The following PCDHGB2 variants were observed in gnomAD, a reference collection of about 807,000 sequenced individuals.
PCDHGB2 encodes protocadherin gamma subfamily B, 2, also known as protocadherin gamma-B2.
A neutral mutation model predicts 59.3 loss-of-function variants in PCDHGB2; 55 were observed. The observed-to-expected ratio is 0.93, with a 90% CI of 0.75 to 1.16. The LOEUF (loss-of-function observed/expected upper bound fraction) is 1.16, where lower values mean the gene tolerates loss of function less well. Among genes scored for constraint, PCDHGB2 ranks in the 50% most tolerant of loss-of-function variants. The probability of loss-of-function intolerance (pLI) is 0.00; values close to 1 mark genes in which losing one functional copy is unlikely to be tolerated. For missense variants in PCDHGB2, 1,228 were observed against 1,198.5 expected, an observed-to-expected ratio of 1.02 and a Z score of -0.36; for synonymous variants, 516 against 512.0, an observed-to-expected ratio of 1.01 and a Z score of -0.11.
chr5:141,403,051 C>G (rs1273209859), intron 1 of PCDHGB2: 1 of 1,614,086 alleles, frequency 6.2e-7, no homozygotes, highest in African/African-American at 1.3e-5. Flanking sequence ...AGATTCGCTA[C>G]TCAGTGCCTG....
Position 141,431,655 on chromosome 5 carries a change from G to A in PCDHGB2, c.2422-63152G>A, listed in dbSNP as rs199998405. On this transcript the variant is annotated intron_variant, in intron 1 of 3. Transcript: ENST00000522605. This position sits in a 1 kb window ranked among gnomAD's most constrained non-coding sequence, Gnocchi z 4.8. Reference sequence around the variant, plus strand: ...GTTTTCAAACTAGATTGTAATTCAGGGACAATATCAACAATAGGGGAGTTG... The same window carrying A: ...GTTTTCAAACTAGATTGTAATTCAGAGACAATATCAACAATAGGGGAGTTG... 52 of 1,614,208 alleles carry A rather than the reference G, an allele frequency of 3.2e-5. No individual in the cohort carries two copies. The highest frequency in any genetic ancestry group is 3.3e-4 in the Middle Eastern group (2 of 6,062).
At position 141,454,796 on chromosome 5, in the gene PCDHGB2, A is replaced by ATTTTT. The variant is rs61612330; in HGVS notation, c.2422-39986_2422-39982dup. ...AAGGAAATAATCCTCCATGGTTCTA[A>ATTTTT]TTTTTTTTTTTTTTTTTTTTTTTTT... On this transcript the variant is annotated intron_variant, in intron 1 of 3. Coordinates refer to ENST00000522605, the MANE Select transcript of PCDHGB2 (RefSeq NM_018923.3). 4.5e-3 allele frequency among the ~76,000 whole-genome samples: 350 copies of ATTTTT among 77,444 alleles called. 39 individuals are homozygous for ATTTTT. The highest frequency in any genetic ancestry group is 0.016 in the African/African-American group (266 of 16,872). The allele number at this position is 77,444 out of a possible 152,430, so 50.8% of individuals were successfully genotyped here.
Position 141,372,286 on chromosome 5 carries a change from C to T in PCDHGB2, c.2421+9730C>T, listed in dbSNP as rs62620706. 47 of 1,613,150 alleles carry T rather than the reference C, an allele frequency of 2.9e-5. No homozygotes were observed. The African/African-American group carries it at 5.9e-4, about 20-fold the overall frequency. ...ACGGGTGAGGTGCGCACGGCGCGTA[C>T]CTTGGGCGACAGGGAGGCCGCCCGC... On this transcript the variant is annotated intron_variant, in intron 1 of 3. Coordinates refer to ENST00000522605, the MANE Select transcript of PCDHGB2 (RefSeq NM_018923.3).
intron 1 of PCDHGB2, chr5:141,399,393 C>A: frequency 6.2e-7 from 1 of 1,613,976 alleles, no homozygotes; most frequent in Non-Finnish European, 8.5e-7. Flanking sequence ...CAGCCACAGA[C>A]AGGGGCAAGC....
At chr5:141,404,215 G>T (rs1372288822) in intron 1 of PCDHGB2, 15 of 1,613,346 alleles carry the variant, frequency 9.3e-6, no homozygotes, top group Non-Finnish European at 1.3e-5. Context: ...ATAATATCAC[G>T]GTGACTGCAA....
intron 1 of PCDHGB2, chr5:141,370,706 G>T (rs536075571): frequency 1.2e-5 from 19 of 1,613,790 alleles, no homozygotes; most frequent in Middle Eastern, 1.6e-4. Context: ...CGTGTGTTCT[G>T]GAATTTGAAA....
At position 141,362,564 on chromosome 5, in the gene PCDHGB2, T is replaced by C. The variant is rs754336087; in HGVS notation, c.2421+8T>C. 1 of 1,608,408 alleles carries C rather than the reference T, an allele frequency of 6.2e-7. No homozygotes were observed. Among genetic ancestry groups the C allele is most frequent in the South Asian group, 1.1e-5 (1 of 90,230 alleles). ...TCAGATACTATTTTGAAGGTGAGCT[T>C]TAATTAATTTATTTTCACTTCTGGT... On this transcript the variant is annotated splice_region_variant and intron_variant, in intron 1 of 3. Coordinates refer to ENST00000522605, the MANE Select transcript of PCDHGB2 (RefSeq NM_018923.3).
Position 141,360,426 on chromosome 5 carries a change from G to A in PCDHGB2, c.291G>A (p.Gly97=), listed in dbSNP as rs763572902. 4 of 1,614,000 alleles carry A rather than the reference G, an allele frequency of 2.5e-6. No homozygotes were observed. Among genetic ancestry groups the A allele is most frequent in the Non-Finnish European group, 2.5e-6 (3 of 1,179,896 alleles). The change falls in exon 1 of 4, where the codon GGG becomes GGA. Residue 97 remains glycine (G), a synonymous_variant. Coordinates refer to ENST00000522605, the MANE Select transcript of PCDHGB2 (RefSeq NM_018923.3). ...SDRIDREQIC[G]KQPLCVLDFD... ...GAATAGACCGAGAACAGATATGCGGGAAGCAGCCTCTGTGTGTTCTGGATT... is the reference window on the plus strand; with the variant it reads ...GAATAGACCGAGAACAGATATGCGGAAAGCAGCCTCTGTGTGTTCTGGATT...
chr5:141,485,444 G>A lies in PCDHGB2; in HGVS notation c.2422-9363G>A. 1 of 1,614,110 alleles carries A rather than the reference G, an allele frequency of 6.2e-7. No individual in the cohort carries two copies. Among genetic ancestry groups the A allele is most frequent in the Non-Finnish European group, 8.5e-7 (1 of 1,180,020 alleles). On this transcript the variant is annotated intron_variant, in intron 1 of 3. Coordinates refer to ENST00000522605, the MANE Select transcript of PCDHGB2 (RefSeq NM_018923.3). This position sits in a 1 kb window ranked among gnomAD's most constrained non-coding sequence, Gnocchi z 5.7. ...AGCCCTGCTCATCAAGAACCCAATC[G>A]ACCGAGAGGCACTGTGTGGGCTCAG...
chr5:141,364,178 C>G (rs946798028), intron 1 of PCDHGB2: 1 of 887,846 alleles, frequency 1.1e-6, no homozygotes, highest in Admixed American at 3.6e-5. Flanking sequence ...ACTCTGCTCC[C>G]TCCATACTAA....
chr5:141,478,623 GT>G (rs1337268572), intron 1 of PCDHGB2: 14 of 1,554,358 alleles, frequency 9.0e-6, no homozygotes, highest in African/African-American at 1.4e-5. Context: ...GAATGGAGCT[GT>G]TTTTTTAGTG....
chr5:141,473,263 T>C (rs2099318134), intron 1 of PCDHGB2, among the ~76,000 whole-genome samples: 1 of 152,210 alleles, frequency 6.6e-6, no homozygotes, highest in African/African-American at 2.4e-5. Context: ...GTCCTTAGTG[T>C]ATGCTATGAT....
In PCDHGB2 at chr5:141,362,276, G is replaced by A. The variant is rs1762413710; in HGVS notation, c.2141G>A (p.Arg714His). 17 of 1,613,888 alleles carry A rather than the reference G, an allele frequency of 1.1e-5. No homozygotes were observed. Among genetic ancestry groups the A allele is most frequent in the Middle Eastern group, 1.6e-4 (1 of 6,084 alleles). ...FLAVILAISLRLRLSSRSDAW... is the reference protein window; with the variant it reads ...FLAVILAISLHLRLSSRSDAW... ...GCGGTGATTCTGGCAATCTCCCTGC[G>A]CCTGCGACTCTCTTCCAGGTCAGAT... The change falls in exon 1 of 4, where the codon CGC (arginine) becomes CAC (histidine). Residue 714 changes from arginine to histidine, a missense_variant. Transcript: ENST00000522605.
At chr5:141,455,013 C>T (rs1468289988) in intron 1 of PCDHGB2, among the ~76,000 whole-genome samples, 2 of 151,130 alleles carry the variant, frequency 1.3e-5, no homozygotes, top group African/African-American at 4.9e-5. Context: ...GGGGTTTCAC[C>T]GTGTTAGCCA....
intron 1 of PCDHGB2, among the ~76,000 whole-genome samples, chr5:141,455,095 A>G (rs910300076): frequency 2.6e-5 from 4 of 151,836 alleles, no homozygotes; most frequent in African/African-American, 9.7e-5. Flanking sequence ...TACAGGCTTG[A>G]GCCACTGCGC....
intron 1 of PCDHGB2, among the ~76,000 whole-genome samples, chr5:141,382,409 G>A (rs1360537214): frequency 6.6e-6 from 1 of 152,188 alleles, no homozygotes; most frequent in Non-Finnish European, 1.5e-5. Context: ...GCAATAACGT[G>A]TGAGTCAGTG....
At chr5:141,433,612 G>A (rs1181458593) in intron 1 of PCDHGB2, among the ~76,000 whole-genome samples, 1 of 152,082 alleles carries the variant, frequency 6.6e-6, no homozygotes, top group Non-Finnish European at 1.5e-5. Context: ...GAGGCGGGTG[G>A]ATCACCTGAG....
At chr5:141,394,459 G>T (rs761612403) in intron 1 of PCDHGB2, 1 of 1,614,238 alleles carries the variant, frequency 6.2e-7, no homozygotes, top group Non-Finnish European at 8.5e-7. Context: ...ATGTCACTGA[G>T]CCTGTTCGTG....
intron 1 of PCDHGB2, chr5:141,375,375 C>G (rs907988445): frequency 6.2e-7 from 1 of 1,613,834 alleles, no homozygotes; most frequent in Admixed American, 1.7e-5. Context: ...GGAACACCAC[C>G]TCTGTCTACA....
Sources: allele counts gnomAD v4.1 joint callset (sites outside exome capture counted in the v4.1 genomes callset), GRCh38; gene constraint gnomAD v4.1.1; non-coding constraint Gnocchi (gnomAD v3.1); transcripts MANE v1.5; gene names NCBI Gene and HGNC (gene_info 2026-07-23, HGNC 2026-07-21).